The following WDPCP variants were observed in gnomAD, a reference collection of about 807,000 sequenced individuals.
WDPCP encodes the protein WD repeat-containing and planar cell polarity effector protein fritz homolog.
WDPCP carries 71 observed loss-of-function variants against 93.1 expected under a neutral mutation model. That is an observed-to-expected ratio of 0.76 (90% confidence interval 0.63 to 0.93). The LOEUF is 0.93. Among genes scored for constraint, WDPCP ranks in the 40% least tolerant of loss-of-function variants. WDPCP has a pLI of 0.00. For synonymous variants in WDPCP, 315 were observed against 315.0 expected (o/e 1.00, Z 0.00); for missense variants, 844 against 887.4 (o/e 0.95, Z 0.62).
chr2:63,361,649 T>C (rs13382368), intron 12 of WDPCP, among the ~76,000 whole-genome samples: 269 of 152,312 alleles, frequency 1.8e-3, no homozygotes, highest in African/African-American at 6.1e-3. Context: ...CTACTTAATT[T>C]TATGTTGGTA....
intron 6 of WDPCP, among the ~76,000 whole-genome samples, chr2:63,468,023 G>A (rs1346615773): frequency 6.6e-6 from 1 of 152,142 alleles, no homozygotes; most frequent in African/African-American, 2.4e-5. Flanking sequence ...CTTTCCCTGG[G>A]TGGCTACCAG....
intron 2 of WDPCP, among the ~76,000 whole-genome samples, chr2:63,792,807 G>A (rs1323970430): frequency 6.6e-6 from 1 of 152,006 alleles, no homozygotes; most frequent in African/African-American, 2.4e-5. Context: ...AGGGCTATGA[G>A]TAGCAGATGA....
intron 2 of WDPCP, among the ~76,000 whole-genome samples, chr2:63,774,208 T>A (rs1297813669): frequency 1.3e-5 from 2 of 152,076 alleles, no homozygotes. Flanking sequence ...TCCAGGGCCA[T>A]AAAATCTAAT....
intron 10 of WDPCP, among the ~76,000 whole-genome samples, chr2:63,395,510 A>C (rs1693646211): frequency 6.6e-6 from 1 of 152,166 alleles, no homozygotes; most frequent in Non-Finnish European, 1.5e-5. Context: ...CAGCCATTTC[A>C]CTTAGGATAA....
chr2:63,326,776 A>C (rs1687590593), intron 12 of WDPCP, among the ~76,000 whole-genome samples: 1 of 152,142 alleles, frequency 6.6e-6, no homozygotes, highest in African/African-American at 2.4e-5. Flanking sequence ...ACAGACAAAG[A>C]GGGAGTCAGA....
intron 14 of WDPCP, among the ~76,000 whole-genome samples, chr2:63,217,187 T>C (rs1325900118): frequency 6.6e-6 from 1 of 152,200 alleles, no homozygotes; most frequent in African/African-American, 2.4e-5. Flanking sequence ...TGGAAAAACA[T>C]CAAAAGAATT....
At position 63,486,606 on chromosome 2, in the gene WDPCP, G is replaced by A. The variant is rs754079771; in HGVS notation, c.209-20C>T. 1.3e-6 allele frequency: 2 copies of A among 1,560,756 alleles called. No homozygotes were observed. The highest frequency in any genetic ancestry group is 1.7e-6 in the Non-Finnish European group (2 of 1,149,848). On this transcript the variant is annotated intron_variant, in intron 3 of 17. Coordinates refer to ENST00000272321, the MANE Select transcript of WDPCP (RefSeq NM_015910.7). ...CTGTCGCTGATATTGTGGCAGAAGG[G>A]ATAGAAAGAAAAAAACAAAAGTAGA...
intron 12 of WDPCP, among the ~76,000 whole-genome samples, chr2:63,327,904 G>A (rs566184332): frequency 3.3e-5 from 5 of 152,100 alleles, no homozygotes; most frequent in South Asian, 2.1e-4. Context: ...GGACCAACCC[G>A]CTGGCCCTTC....
chr2:63,451,497 C>G (rs1287497955), intron 6 of WDPCP, among the ~76,000 whole-genome samples: 2 of 152,172 alleles, frequency 1.3e-5, no homozygotes, highest in African/African-American at 4.8e-5. Flanking sequence ...GGATTCACAG[C>G]TGAATTCTAC....
chr2:63,299,359 G>A (rs1212275425), intron 13 of WDPCP, among the ~76,000 whole-genome samples: 1 of 152,170 alleles, frequency 6.6e-6, no homozygotes, highest in Non-Finnish European at 1.5e-5. Flanking sequence ...TGCAAGGATT[G>A]CATCGTGATG....
At chr2:63,833,325 T>C in the WDPCP span, among the ~76,000 whole-genome samples, 1 of 152,218 alleles carries the variant, frequency 6.6e-6, no homozygotes, top group East Asian at 1.9e-4. Context: ...GTTGTTATTC[T>C]CATCTTTAAG....
intron 13 of WDPCP, among the ~76,000 whole-genome samples, chr2:63,303,970 CAA>C (rs34553510): frequency 1.5e-5 from 2 of 131,348 alleles, no homozygotes; most frequent in African/African-American, 2.8e-5. Context: ...AGTAAAAAGT[CAA>C]AAAAAAAAAA....
chr2:63,295,389 A>G (rs2103637841), intron 13 of WDPCP, among the ~76,000 whole-genome samples: 1 of 152,228 alleles, frequency 6.6e-6, no homozygotes, highest in Admixed American at 6.5e-5. Flanking sequence ...ACGCTGTAAG[A>G]GATTTACTAT....
intron 14 of WDPCP, among the ~76,000 whole-genome samples, chr2:63,250,941 A>G (rs1574981586): frequency 2.0e-5 from 3 of 152,288 alleles, no homozygotes; most frequent in East Asian, 1.9e-4. Flanking sequence ...GAGCATTTCC[A>G]CTGTAACCTC....
At chr2:63,830,197 G>T (rs1575784445), upstream of WDPCP, among the ~76,000 whole-genome samples, 1 of 151,940 alleles carries the variant, frequency 6.6e-6, no homozygotes, top group South Asian at 2.1e-4. Flanking sequence ...AAATTTTCCA[G>T]CTTCTTGTCC....
chr2:63,212,609 A>C (rs535358013), intron 14 of WDPCP, among the ~76,000 whole-genome samples: 15 of 152,302 alleles, frequency 9.8e-5, no homozygotes, highest in Non-Finnish European at 1.8e-4. Flanking sequence ...ACAAATTCAC[A>C]CATAACAATA....
chr2:63,628,739 A>G (rs2106634143), intron 3 of WDPCP, among the ~76,000 whole-genome samples: 1 of 152,330 alleles, frequency 6.6e-6, no homozygotes, highest in East Asian at 1.9e-4. Context: ...GCAGCTGCTC[A>G]ACTTTTTAAT....
chr2:63,313,045 G>C (rs959760852), intron 13 of WDPCP, among the ~76,000 whole-genome samples: 1 of 152,062 alleles, frequency 6.6e-6, no homozygotes, highest in Non-Finnish European at 1.5e-5. Context: ...ATTGGAGCCA[G>C]CAAACAAAAT....
chr2:63,144,829 C>T (rs970149523), intron 17 of WDPCP, among the ~76,000 whole-genome samples: 13 of 152,038 alleles, frequency 8.6e-5, no homozygotes, highest in African/African-American at 2.7e-4. Context: ...TGTTGAAGAG[C>T]CTTGTTTTGT....
Sources: gnomAD v4.1 joint callset for allele counts (sites outside exome capture counted in the v4.1 genomes callset) on GRCh38, gnomAD v4.1.1 for gene constraint, MANE v1.5 for transcripts, NCBI Gene and HGNC (gene_info 2026-07-23, HGNC 2026-07-21) for gene names.